EP400: variants seen among roughly 807,000 people sequenced by gnomAD.
EP400 encodes E1A binding protein p400, also known as E1A-binding protein p400.
Under a neutral mutation model 354.1 loss-of-function variants are expected in EP400, and 105 were observed. The observed-to-expected ratio is 0.30, with a 90% CI of 0.25 to 0.35. The LOEUF is 0.35. Among genes scored for constraint, EP400 ranks in the 10% least tolerant of loss-of-function variants. The probability of loss-of-function intolerance (pLI) is 1.00; values close to 1 mark genes in which losing one functional copy is unlikely to be tolerated. For missense variants in EP400, 3,280 were observed against 4,121.0 expected, an observed-to-expected ratio of 0.80 and a Z score of 5.59; for synonymous variants, 1,646 against 1,716.9, an observed-to-expected ratio of 0.96 and a Z score of 1.02.
Position 132,064,739 on chromosome 12 carries a change from TGC to T in EP400, c.8409_8410del (p.Pro2805AlafsTer177). On this transcript the variant is annotated frameshift_variant, in exon 48 of 53. Transcript: ENST00000389561. LOFTEE classifies it high-confidence loss of function. Reference sequence around the variant, plus strand: ...AGCCCCCACCGCCACAGGCCCAGTCTGCGCCCCCGCAGCCAACAGCCCAAGTG... The same window carrying T: ...AGCCCCCACCGCCACAGGCCCAGTCTGCCCCCGCAGCCAACAGCCCAAGTG... ...PQPPPPQAQS[A>X]PPQPTAQVQV... 1 of 1,613,650 alleles carries T rather than the reference TGC, an allele frequency of 6.2e-7. No individual in the cohort carries two copies. Among genetic ancestry groups the T allele is most frequent in the Non-Finnish European group, 8.5e-7 (1 of 1,179,926 alleles).
intron 30 of EP400, among the ~76,000 whole-genome samples, chr12:132,036,204 C>G (rs1372947832): frequency 1.5e-5 from 2 of 137,444 alleles, no homozygotes; most frequent in Non-Finnish European, 3.1e-5. Flanking sequence ...GTCATGGAAG[C>G]ACACAGCCAG....
rs61944568 is a variant in EP400 at position 132,006,587 on chromosome 12, A to G, written c.3127-113A>G. 6.0e-3 allele frequency: 6,748 copies of G among 1,131,902 alleles called. 72 individuals carry two copies. Among genetic ancestry groups the G allele is most frequent in the South Asian group, 0.029 (1,801 of 61,490 alleles). 70.1% of individuals were successfully genotyped at this position (1,131,902 alleles called of 1,614,324 possible). ...TTCCTCTTCCTGTTTTCTGTAGATC[A>G]TTTTTGTGGCTTTCTAATTGGTTTA... On this transcript the variant is annotated intron_variant, in intron 14 of 52. Transcript: ENST00000389561.
chr12:131,967,730 T>A (rs1892152620), intron 2 of EP400, among the ~76,000 whole-genome samples: 1 of 152,086 alleles, frequency 6.6e-6, no homozygotes, highest in Admixed American at 6.5e-5. Flanking sequence ...ACTTCCAAAC[T>A]TTCTCAAAGT....
chr12:132,028,425 T>G (rs1251735983), intron 27 of EP400, 137 bp downstream of exon 27: 1 of 1,151,048 alleles, frequency 8.7e-7, no homozygotes, highest in Middle Eastern at 3.0e-4. Flanking sequence ...TGTTTTGAAG[T>G]TAGTCTTTGA....
At chr12:132,072,368 T>C (rs965187495) in intron 51 of EP400, among the ~76,000 whole-genome samples, 5 of 152,240 alleles carry the variant, frequency 3.3e-5, no homozygotes, top group Admixed American at 6.5e-5. Context: ...TATTATTTGG[T>C]TTTCCTTCAG....
Position 131,960,636 on chromosome 12 carries a change from G to T in EP400, c.17G>T (p.Gly6Val). 6.3e-7 allele frequency: 1 copy of T among 1,590,570 alleles called. No homozygotes were observed. Among genetic ancestry groups the T allele is most frequent in the Non-Finnish European group, 8.6e-7 (1 of 1,169,412 alleles). The change falls in exon 2 of 53, where the codon GGC becomes GTC. Residue 6 changes from glycine to valine, a missense_variant. This residue lies in a region of EP400 where 172 missense variants were observed against 242.9 expected (regional missense o/e 0.71). Coordinates refer to ENST00000389561, the MANE Select transcript of EP400 (RefSeq NM_015409.5). ...GAGGTGATCATGCACCATGGCACTG[G>T]CCCCCAGAACGTCCAGCATCAGCTG... MHHGT[G>V]PQNVQHQLQR... is the part of the protein sequence containing the mutation.
chr12:132,027,450 C>T lies in EP400; in HGVS notation c.5028C>T (p.Gly1676=). The T allele has an allele frequency of 6.2e-7, 1 of 1,614,112 alleles. No individual in the cohort carries two copies. The highest frequency in any genetic ancestry group is 1.3e-5 in the African/African-American group (1 of 75,068). ...ATGCATTTGTAGTTGGCGTTCCGGG[C>T]CGCGTGGCGGTGAATGCCTTGGCTG... ...APLTPQVGVP[G]RVAVNALAVG... Residue 1676 remains glycine (G), a synonymous_variant, in exon 26 of 53, where the codon GGC becomes GGT. Transcript: ENST00000389561. This position sits in a 1 kb window ranked among gnomAD's most constrained non-coding sequence, Gnocchi z 4.9.
At chr12:131,952,757 C>A (rs1341683268) in intron 1 of EP400, among the ~76,000 whole-genome samples, 2 of 152,132 alleles carry the variant, frequency 1.3e-5, no homozygotes, top group East Asian at 3.8e-4. Flanking sequence ...CAGCCTGTTT[C>A]TTTTTATTGT....
rs1891898925 is a variant in EP400, at chr12:131,961,971, A to C, written c.1335+17A>C. On this transcript the variant is annotated intron_variant, in intron 2 of 52. Coordinates refer to ENST00000389561, the MANE Select transcript of EP400 (RefSeq NM_015409.5). ...AATGACGAGGTAAGAAACAGGAGTT[A>C]ATTTGTTTAGTACAAATCTTCTAGA... is the stretch of plus-strand genomic sequence containing the variant. 1 of 1,599,792 alleles carries C rather than the reference A, an allele frequency of 6.3e-7. No homozygotes were observed. The highest frequency in any genetic ancestry group is 1.3e-5 in the African/African-American group (1 of 74,620).
At chr12:131,976,015 C>G (rs1363246409) in intron 2 of EP400, among the ~76,000 whole-genome samples, 5 of 152,148 alleles carry the variant, frequency 3.3e-5, no homozygotes, top group Non-Finnish European at 7.4e-5. Context: ...TTTTTCACAT[C>G]TCCACACTGA....
intron 12 of EP400, among the ~76,000 whole-genome samples, chr12:132,003,059 A>T (rs1343147935): frequency 2.6e-5 from 4 of 152,108 alleles, no homozygotes; most frequent in Non-Finnish European, 5.9e-5. Flanking sequence ...AAAAAATAAG[A>T]ACACAGCTGG....
At chr12:131,951,674 T>C (rs866191485) in intron 1 of EP400, among the ~76,000 whole-genome samples, 1 of 152,228 alleles carries the variant, frequency 6.6e-6, no homozygotes, top group African/African-American at 2.4e-5. Flanking sequence ...CGATCTCGGC[T>C]CACTGCAACC....
At chr12:131,993,130 G>A (rs552429752) in intron 11 of EP400, among the ~76,000 whole-genome samples, 7 of 152,304 alleles carry the variant, frequency 4.6e-5, no homozygotes, top group African/African-American at 1.4e-4. Flanking sequence ...CCTCCCAAGC[G>A]ATTCTCTTGC....
chr12:131,968,786 T>G (rs1263406996), intron 2 of EP400, among the ~76,000 whole-genome samples: 1 of 152,220 alleles, frequency 6.6e-6, no homozygotes, highest in South Asian at 2.1e-4. Flanking sequence ...ATATATTTTC[T>G]TAGGTTTATA....
chr12:132,024,612 G>A (rs1005719157), intron 24 of EP400, among the ~76,000 whole-genome samples: 4 of 152,084 alleles, frequency 2.6e-5, no homozygotes, highest in South Asian at 2.1e-4. Context: ...CCTTGTCCCC[G>A]TGGTGGGATC....
intron 51 of EP400, among the ~76,000 whole-genome samples, chr12:132,072,471 GTTAC>G (rs1244014503): frequency 6.6e-6 from 1 of 152,152 alleles, no homozygotes; most frequent in Non-Finnish European, 1.5e-5. Context: ...AGGTTTTCCA[GTTAC>G]TTTTTATTAT....
intron 25 of EP400, among the ~76,000 whole-genome samples, chr12:132,026,374 G>A (rs1392668219): frequency 2.6e-5 from 4 of 152,208 alleles, no homozygotes; most frequent in African/African-American, 9.6e-5. Context: ...CCTGGTGGCC[G>A]AGTGGTGTCC....
rs772378346 is a variant in EP400 at position 132,044,905 on chromosome 12, C to G, written c.6736C>G (p.Pro2246Ala). The change falls in exon 37 of 53, where the codon CCT (proline) becomes GCT (alanine). Residue 2246 changes from proline to alanine, a missense_variant. This residue lies in a region of EP400 where 231 missense variants were observed against 257.9 expected (regional missense o/e 0.90). Coordinates refer to ENST00000389561, the MANE Select transcript of EP400 (RefSeq NM_015409.5). ...TCCCATCCCAGAGGCTAAGCTGCCC[C>G]CTGTGTACGTGAGGAAGGAGCGGAA... is the stretch of plus-strand genomic sequence containing the variant. ...ATPIPEAKLP[P>A]VYVRKERKRH... The G allele has an allele frequency of 1.2e-6, 2 of 1,614,208 alleles. No individual in the cohort carries two copies. The highest frequency in any genetic ancestry group is 3.3e-5 in the Admixed American group (2 of 60,022).
intron 1 of EP400, among the ~76,000 whole-genome samples, chr12:131,955,414 C>T (rs960239912): frequency 1.1e-4 from 17 of 151,826 alleles, no homozygotes; most frequent in African/African-American, 3.9e-4. Context: ...TCCCGAGTAG[C>T]TGGGATTACA....
Sources: allele counts gnomAD v4.1 joint callset (sites outside exome capture counted in the v4.1 genomes callset), GRCh38; gene constraint gnomAD v4.1.1; regional missense constraint gnomAD v4.1.1; non-coding constraint Gnocchi (gnomAD v3.1); transcripts MANE v1.5; gene names NCBI Gene and HGNC (gene_info 2026-07-23, HGNC 2026-07-21).